CNTN5: variants seen among roughly 807,000 people sequenced by gnomAD.
The protein encoded by CNTN5 is contactin-5.
CNTN5 carries 77 observed loss-of-function variants against 129.1 expected under a neutral mutation model. The observed-to-expected ratio is 0.60, with a 90% CI of 0.50 to 0.72. The LOEUF is 0.72. Among genes scored for constraint, CNTN5 ranks in the 30% least tolerant of loss-of-function variants. CNTN5 has a pLI of 0.00. For missense variants in CNTN5, 1,478 were observed against 1,328.8 expected, an observed-to-expected ratio of 1.11 and a Z score of -1.75; for synonymous variants, 509 against 465.6, an observed-to-expected ratio of 1.09 and a Z score of -1.20.
intron 1 of CNTN5, among the ~76,000 whole-genome samples, chr11:99,196,975 A>G (rs1459314240): frequency 6.6e-6 from 1 of 151,918 alleles, no homozygotes; most frequent in African/African-American, 2.4e-5. Flanking sequence ...TACACAAACC[A>G]GATGCTAAAA....
At chr11:99,638,049 ACTGCTG>A (rs1383216220) in intron 3 of CNTN5, among the ~76,000 whole-genome samples, 1 of 148,412 alleles carries the variant, frequency 6.7e-6, no homozygotes, top group Non-Finnish European at 1.5e-5. Flanking sequence ...TTGTTTTTAC[ACTGCTG>A]ATAAAGACAT....
chr11:99,105,077 G>T (rs1006471172), intron 1 of CNTN5, among the ~76,000 whole-genome samples: 1 of 152,032 alleles, frequency 6.6e-6, no homozygotes, highest in Non-Finnish European at 1.5e-5. Context: ...AAGAAGTTTA[G>T]CATTCTTGTG....
At chr11:99,066,636 C>A (rs754899943) in intron 1 of CNTN5, among the ~76,000 whole-genome samples, 2 of 152,104 alleles carry the variant, frequency 1.3e-5, no homozygotes, top group African/African-American at 4.8e-5. Context: ...CAAGGTTATT[C>A]CCCAGTGACC....
At position 100,340,472 on chromosome 11, in the gene CNTN5, T is replaced by C. The variant is rs1441097105; in HGVS notation, c.2740T>C (p.Trp914Arg). Residue 914 changes from tryptophan to arginine, a missense_variant, in exon 22 of 25, where the codon TGG becomes CGG. Coordinates refer to ENST00000524871, the MANE Select transcript of CNTN5 (RefSeq NM_014361.4). ...GATAATTTGTTGATAGGTTGGTTACTGGAAAGACATGGAACAGGAAGATAC... is the reference window on the plus strand; with the variant it reads ...GATAATTTGTTGATAGGTTGGTTACCGGAAAGACATGGAACAGGAAGATAC... ...GRPQGFEVGY[W>R]KDMEQEDTAE... is the part of the protein sequence containing the mutation. The C allele has an allele frequency of 3.1e-6, 5 of 1,607,900 alleles. No individual in the cohort carries two copies. In the Admixed American group the frequency reaches 6.8e-5, roughly 22 times the overall value.
At chr11:99,090,530 C>T (rs548109372) in intron 1 of CNTN5, among the ~76,000 whole-genome samples, 12 of 151,744 alleles carry the variant, frequency 7.9e-5, no homozygotes, top group Non-Finnish European at 1.8e-4. Context: ...ATAAAGACAG[C>T]TAAATACAAT....
At chr11:99,881,987 G>A (rs1167743380) in intron 6 of CNTN5, among the ~76,000 whole-genome samples, 2 of 152,152 alleles carry the variant, frequency 1.3e-5, no homozygotes, top group Non-Finnish European at 2.9e-5. Flanking sequence ...GAGCCTGAAT[G>A]GGGACAACAG....
chr11:99,639,581 T>TTTTC (rs1951692166), intron 3 of CNTN5, among the ~76,000 whole-genome samples: 1 of 147,538 alleles, frequency 6.8e-6, no homozygotes, highest in East Asian at 2.3e-4. Context: ...TTTTTTTTTT[T>TTTTC]TGAGACGGAG....
intron 3 of CNTN5, among the ~76,000 whole-genome samples, chr11:99,774,770 C>T (rs185110520): frequency 1.3e-5 from 2 of 152,084 alleles, no homozygotes; most frequent in Admixed American, 6.6e-5. Context: ...GTTTCAGTTC[C>T]GTTAGAAACA....
chr11:100,026,243 C>T (rs865985878), intron 9 of CNTN5, among the ~76,000 whole-genome samples: 2 of 152,008 alleles, frequency 1.3e-5, no homozygotes, highest in Middle Eastern at 3.2e-3. Context: ...CTTCTTCTTC[C>T]TGACGCCTGG....
In CNTN5 at chr11:99,681,429, C is replaced by A. The variant is rs191941811; in HGVS notation, c.55+125160C>A. ...CCGCAGCCACTGCGTTGTTCAGCAA[C>A]CGTGAACCTGATCAGTCAGTAGCTG... On this transcript the variant is annotated intron_variant, in intron 3 of 24. Coordinates refer to ENST00000524871, the MANE Select transcript of CNTN5 (RefSeq NM_014361.4). Among the ~76,000 whole-genome samples, 46 of 152,194 alleles carry A rather than the reference C, an allele frequency of 3.0e-4. 1 individual carries two copies. Among genetic ancestry groups the A allele is most frequent in the African/African-American group, 1.1e-3 (44 of 41,492 alleles).
intron 13 of CNTN5, among the ~76,000 whole-genome samples, chr11:100,150,866 C>T (rs1022455795): frequency 6.6e-6 from 1 of 152,054 alleles, no homozygotes; most frequent in African/African-American, 2.4e-5. Context: ...TATTTGGAAG[C>T]AGGGTCTTTG....
Position 100,304,471 on chromosome 11 carries a change from A to G in CNTN5, c.2621-3888A>G, listed in dbSNP as rs150796266. On this transcript the variant is annotated intron_variant, in intron 20 of 24. Transcript: ENST00000524871. ...AGAAGGAGCTGTGCAGCTATGGTTCAAAATTACCAAGGAGTCAGTGAAACA... is the reference window on the plus strand; with the variant it reads ...AGAAGGAGCTGTGCAGCTATGGTTCGAAATTACCAAGGAGTCAGTGAAACA... 4.8e-4 allele frequency among the ~76,000 whole-genome samples: 73 copies of G among 151,702 alleles called. No individual in the cohort carries two copies. The Middle Eastern group carries it at 0.01, about 21-fold the overall frequency.
At chr11:99,619,311 TTC>T (rs1470700950) in intron 3 of CNTN5, among the ~76,000 whole-genome samples, 1 of 152,192 alleles carries the variant, frequency 6.6e-6, no homozygotes, top group African/African-American at 2.4e-5. Flanking sequence ...ACAAATTTAA[TTC>T]TGAGTTTGTA....
chr11:99,130,352 CA>C (rs1293547507), intron 1 of CNTN5, among the ~76,000 whole-genome samples: 1 of 151,832 alleles, frequency 6.6e-6, no homozygotes, highest in African/African-American at 2.4e-5. Flanking sequence ...CAACAAAGAT[CA>C]AAAAAAGACA....
intron 2 of CNTN5, among the ~76,000 whole-genome samples, chr11:99,345,942 G>T (rs1214800830): frequency 1.3e-5 from 2 of 152,104 alleles, no homozygotes; most frequent in Non-Finnish European, 2.9e-5. Flanking sequence ...ATACATGAGA[G>T]ATTAATTACA....
intron 3 of CNTN5, among the ~76,000 whole-genome samples, chr11:99,782,492 G>A (rs1471226702): frequency 6.6e-6 from 1 of 151,240 alleles, no homozygotes; most frequent in Non-Finnish European, 1.5e-5. Flanking sequence ...AAGTTCATAT[G>A]GAACCAAAAA....
chr11:99,932,002 T>A (rs952113558), intron 7 of CNTN5, among the ~76,000 whole-genome samples: 5 of 152,172 alleles, frequency 3.3e-5, no homozygotes, highest in African/African-American at 9.7e-5. Flanking sequence ...TTAAGTTCCT[T>A]AACCTGGCAC....
rs151121735 is a variant in CNTN5, at chr11:99,851,352, A to G, written c.577+6090A>G. On this transcript the variant is annotated intron_variant, in intron 6 of 24. Transcript: ENST00000524871. ...TAGGGATGATTATTACTGATTATCA[A>G]TGAGATTATTTTTGACAAAAGATAT... Among the ~76,000 whole-genome samples the G allele has an allele frequency of 6.5e-3, 991 of 152,312 alleles. 9 individuals are homozygous for G. The highest frequency in any genetic ancestry group is 8.9e-3 in the Non-Finnish European group (604 of 68,026).
chr11:99,102,527 C>T (rs1406954684), intron 1 of CNTN5, among the ~76,000 whole-genome samples: 2 of 152,050 alleles, frequency 1.3e-5, no homozygotes, highest in Non-Finnish European at 2.9e-5. Flanking sequence ...TGCCAGATAC[C>T]CTAAATAATC....
Sources: gnomAD v4.1 joint callset for allele counts (sites outside exome capture counted in the v4.1 genomes callset) on GRCh38, gnomAD v4.1.1 for gene constraint, MANE v1.5 for transcripts, NCBI Gene and HGNC (gene_info 2026-07-23, HGNC 2026-07-21) for gene names.